Variants in DMXL1 observed in about 807,000 individuals in gnomAD.
DMXL1 encodes the protein Dmx like 1.
Under a neutral mutation model 319.2 loss-of-function variants are expected in DMXL1, and 99 were observed. The observed-to-expected ratio is 0.31, with a 90% CI of 0.26 to 0.37. The LOEUF (loss-of-function observed/expected upper bound fraction) is 0.37. Among genes scored for constraint, DMXL1 ranks in the 10% least tolerant of loss-of-function variants. DMXL1 has a pLI of 1.00. For synonymous variants in DMXL1, 1,385 were observed against 1,235.2 expected (o/e 1.12, Z -2.54); for missense variants, 3,745 against 3,595.6 (o/e 1.04, Z -1.06).
At chr5:119,120,506 AATGGGATGATCTCT>A (rs1761811569) in intron 8 of DMXL1, among the ~76,000 whole-genome samples, 1 of 152,236 alleles carries the variant, frequency 6.6e-6, no homozygotes, top group Non-Finnish European at 1.5e-5. Flanking sequence ...CATGGCATCA[AATGGGATGATCTCT>A]ATGAAAATGC....
rs957353650 is a variant in DMXL1 at position 119,119,091 on chromosome 5, A to C, written c.933+87A>C. The stretch of plus-strand genomic sequence containing the variant: ...GGTAACACAGTAATGTTATAAAAAA[A>C]CTATATCCTAGGAAAATAATTCTTA... On this transcript the variant is annotated intron_variant, in intron 8 of 43. Coordinates refer to ENST00000539542, the MANE Select transcript of DMXL1 (RefSeq NM_001290321.3). The C allele has an allele frequency of 4.2e-5, 35 of 824,790 alleles. 1 individual carries two copies. Among genetic ancestry groups the C allele is most frequent in the Non-Finnish European group, 6.0e-5 (34 of 563,442 alleles). The allele number at this position is 824,790 out of a possible 1,614,324, so 51.1% of individuals were successfully genotyped here. A position where few individuals can be genotyped will look rare whatever the true frequency, so the allele number is the denominator to read the frequency against.
chr5:119,119,543 T>C (rs1198009204), intron 8 of DMXL1, among the ~76,000 whole-genome samples: 1 of 151,960 alleles, frequency 6.6e-6, no homozygotes, highest in Non-Finnish European at 1.5e-5. Flanking sequence ...AATTTTTTTT[T>C]TTTTTTTTCT....
chr5:119,153,202 C>T (rs538562618), intron 19 of DMXL1, among the ~76,000 whole-genome samples: 46 of 152,270 alleles, frequency 3.0e-4, no homozygotes, highest in African/African-American at 1.1e-3. Flanking sequence ...GTCTTGAACT[C>T]CTGACCTCAA....
At position 119,171,210 on chromosome 5, in the gene DMXL1, A is replaced by G. The variant is rs1458746131; in HGVS notation, c.6419A>G (p.His2140Arg). 1 of 1,613,028 alleles carries G rather than the reference A, an allele frequency of 6.2e-7. No individual in the cohort carries two copies. Among genetic ancestry groups the G allele is most frequent in the Non-Finnish European group, 8.5e-7 (1 of 1,179,204 alleles). Residue 2140 changes from histidine to arginine, a missense_variant, in exon 24 of 44, where the codon CAT becomes CGT. By Grantham distance (29) the His-to-Arg change is conservative. Coordinates refer to ENST00000539542, the MANE Select transcript of DMXL1 (RefSeq NM_001290321.3). The part of the protein sequence containing the change: ...LRMFLSYCIL[H>R]GSHGGGLASV... Reference sequence around the variant, plus strand: ...ATGTTTCTTAGTTACTGCATACTTCATGGATCCCATGGTGGGGGTCTTGCA... The same window carrying G: ...ATGTTTCTTAGTTACTGCATACTTCGTGGATCCCATGGTGGGGGTCTTGCA...
At chr5:119,236,105 G>C (rs898101006) in intron 39 of DMXL1, among the ~76,000 whole-genome samples, 27 of 152,124 alleles carry the variant, frequency 1.8e-4, no homozygotes, top group Admixed American at 1.2e-3. Context: ...CATCTTAACA[G>C]TTTACCAAGA....
rs1774337432 is a variant in DMXL1, at chr5:119,170,521, A to G, written c.5730A>G (p.Leu1910=). The change falls in exon 24 of 44, where the codon TTA becomes TTG. Residue 1910 remains leucine, a synonymous_variant. Coordinates refer to ENST00000539542, the MANE Select transcript of DMXL1 (RefSeq NM_001290321.3). ...AAGACTGTTCTCCTTCTTCTCCATT[A>G]AAGTTGGATGCAAGGGAAGATAAGT... ...TSKDCSPSSP[L]KLDAREDKSS... 2 of 1,613,728 alleles carry G rather than the reference A, an allele frequency of 1.2e-6. No individual in the cohort carries two copies. The highest frequency in any genetic ancestry group is 1.7e-5 in the Admixed American group (1 of 60,000).
At chr5:119,099,127 G>T (rs1024452395) in intron 2 of DMXL1, among the ~76,000 whole-genome samples, 1 of 150,908 alleles carries the variant, frequency 6.6e-6, no homozygotes, top group South Asian at 2.1e-4. Flanking sequence ...ATGACTTCTC[G>T]CTGTACAACA....
chr5:119,184,102 G>A (rs1221969282), intron 28 of DMXL1, among the ~76,000 whole-genome samples: 2 of 148,626 alleles, frequency 1.3e-5, no homozygotes, highest in Non-Finnish European at 2.9e-5. Context: ...CGCCCAGGCT[G>A]GAATGCAGTG....
intron 34 of DMXL1, 72 bp from the exon 35 acceptor site, chr5:119,216,829 A>G (rs1783780703): frequency 1.3e-6 from 1 of 779,766 alleles, no homozygotes; most frequent in African/African-American, 1.8e-5. Flanking sequence ...GTACTAATTG[A>G]TAGATTGGCA....
Position 119,133,178 on chromosome 5 carries a change from G to A in DMXL1, c.1362G>A (p.Lys454=), listed in dbSNP as rs1765307967. ...VDDLKINPEK[K]ELGCDKMVPN... ...ATCTGAAAATAAATCCCGAAAAGAA[G>A]GAATTAGGCTGTGATAAAATGGTAC... Residue 454 remains lysine (K), a synonymous_variant, in exon 11 of 44, where the codon AAG becomes AAA. Coordinates refer to ENST00000539542, the MANE Select transcript of DMXL1 (RefSeq NM_001290321.3). 6.2e-7 allele frequency: 1 copy of A among 1,613,970 alleles called. No individual in the cohort carries two copies. The highest frequency in any genetic ancestry group is 1.1e-5 in the South Asian group (1 of 91,080).
chr5:119,139,171 T>TA (rs932371305), intron 13 of DMXL1, among the ~76,000 whole-genome samples: 1 of 151,298 alleles, frequency 6.6e-6, no homozygotes, highest in African/African-American at 2.5e-5. Context: ...CCACCTAATA[T>TA]AAAAACACAC....
At chr5:119,146,738 A>ATCT in intron 15 of DMXL1, 99 bp from the exon 16 acceptor site, 1 of 1,236,216 alleles carries the variant, frequency 8.1e-7, no homozygotes, top group Non-Finnish European at 1.1e-6. Context: ...AAAGTTTTTA[A>ATCT]TCTTCTTTTT....
intron 32 of DMXL1, among the ~76,000 whole-genome samples, chr5:119,200,751 C>A (rs983217235): frequency 3.3e-5 from 5 of 152,192 alleles, no homozygotes; most frequent in African/African-American, 1.2e-4. Context: ...TTTCTTTGCA[C>A]AGTGTTTTGT....
At chr5:119,108,670 T>G (rs1436286453) in intron 4 of DMXL1, among the ~76,000 whole-genome samples, 1 of 152,244 alleles carries the variant, frequency 6.6e-6, no homozygotes, top group African/African-American at 2.4e-5. Context: ...TCCTCCCACC[T>G]TGGCCTCCCA....
chr5:119,244,174 T>G (rs1201973440), intron 42 of DMXL1, among the ~76,000 whole-genome samples, 185 bp from the exon 43 acceptor site: 1 of 152,190 alleles, frequency 6.6e-6, no homozygotes, highest in Non-Finnish European at 1.5e-5. Flanking sequence ...TTCCCATCTC[T>G]CAGAGATCAT....
Position 119,150,031 on chromosome 5 carries a change from T to G in DMXL1, c.4204T>G (p.Ser1402Ala). ...AENTDYTEID[S>A]VPPLPLYALL... Reference sequence around the variant, plus strand: ...AAATACAGATTACACAGAAATAGATTCTGTTCCTCCACTTCCTTTATATGC... The same window carrying G: ...AAATACAGATTACACAGAAATAGATGCTGTTCCTCCACTTCCTTTATATGC... The change falls in exon 18 of 44, where the codon TCT becomes GCT. Residue 1402 changes from serine (S) to alanine (A), a missense_variant. By Grantham distance (99) the Ser-to-Ala change is moderately conservative. Coordinates refer to ENST00000539542, the MANE Select transcript of DMXL1 (RefSeq NM_001290321.3). 3.1e-6 allele frequency: 5 copies of G among 1,613,934 alleles called. No homozygotes were observed. The highest frequency in any genetic ancestry group is 4.2e-6 in the Non-Finnish European group (5 of 1,179,890).
At chr5:119,172,470 C>G (rs1388021377) in intron 25 of DMXL1, among the ~76,000 whole-genome samples, 1 of 152,126 alleles carries the variant, frequency 6.6e-6, no homozygotes, top group Admixed American at 6.5e-5. Flanking sequence ...TGTTAAAAGT[C>G]TGGATTCTCA....
At chr5:119,164,426 G>A in intron 19 of DMXL1, 81 bp from the exon 20 acceptor site, 1 of 1,266,264 alleles carries the variant, frequency 7.9e-7, no homozygotes, top group South Asian at 1.6e-5. Context: ...CATTTATATT[G>A]AAAATATGGA....
At chr5:119,183,096 T>C (rs1374793814) in intron 28 of DMXL1, among the ~76,000 whole-genome samples, 1 of 152,228 alleles carries the variant, frequency 6.6e-6, no homozygotes, top group Admixed American at 6.5e-5. Flanking sequence ...ATTTTATTTG[T>C]GGTAAGCATG....
Sources: gnomAD v4.1 joint callset for allele counts (sites outside exome capture counted in the v4.1 genomes callset) on GRCh38, gnomAD v4.1.1 for gene constraint, MANE v1.5 for transcripts, NCBI Gene and HGNC (gene_info 2026-07-23, HGNC 2026-07-21) for gene names.